MYT1L: variants seen among roughly 807,000 people sequenced by gnomAD.
The protein encoded by MYT1L is myelin transcription factor 1-like protein.
MYT1L carries 12 observed loss-of-function variants against 126.7 expected under a neutral mutation model. That is an observed-to-expected ratio of 0.09 (90% confidence interval 0.06 to 0.15). The LOEUF (loss-of-function observed/expected upper bound fraction) is 0.15, where lower values mean the gene tolerates loss of function less well. MYT1L is among the 10% of genes least tolerant of loss of function. MYT1L has a pLI of 1.00. For missense variants in MYT1L, 979 were observed against 1,585.2 expected, an observed-to-expected ratio of 0.62 and a Z score of 6.49; for synonymous variants, 541 against 604.2, an observed-to-expected ratio of 0.90 and a Z score of 1.53.
rs374654305 is a variant in MYT1L, at chr2:2,289,247, G to A, written c.-520-4744C>T. On this transcript the variant is annotated intron_variant, in intron 1 of 24. Coordinates refer to ENST00000647738, the MANE Select transcript of MYT1L (RefSeq NM_001303052.2). Reference sequence around the variant, plus strand: ...CTCTGTTAATCATACTGCCAGATACGTTGAAGTTTTATTGCATGTTGGCCA... The same window carrying A: ...CTCTGTTAATCATACTGCCAGATACATTGAAGTTTTATTGCATGTTGGCCA... 3.5e-4 allele frequency among the ~76,000 whole-genome samples: 53 copies of A among 152,274 alleles called. No individual in the cohort carries two copies. In the East Asian group the frequency reaches 7.5e-3, roughly 22 times the overall value.
chr2:2,098,729 A>T (rs535773010), intron 3 of MYT1L, among the ~76,000 whole-genome samples: 26 of 152,348 alleles, frequency 1.7e-4, no homozygotes, highest in African/African-American at 5.8e-4. Flanking sequence ...ACAAACATTG[A>T]TGTGACAGAC....
chr2:2,277,857 A>C (rs931213637), intron 2 of MYT1L, among the ~76,000 whole-genome samples: 19 of 152,172 alleles, frequency 1.2e-4, no homozygotes, highest in Admixed American at 1.2e-3. Flanking sequence ...CAATTAACAT[A>C]CCTTAATTTG....
At chr2:2,147,815 G>A (rs938620946) in intron 3 of MYT1L, among the ~76,000 whole-genome samples, 7 of 152,204 alleles carry the variant, frequency 4.6e-5, no homozygotes, top group African/African-American at 1.4e-4. Flanking sequence ...TGGGAGCCCC[G>A]CAGCAGACGG....
intron 4 of MYT1L, among the ~76,000 whole-genome samples, chr2:2,037,945 C>T (rs1003350420): frequency 8.5e-5 from 13 of 152,084 alleles, no homozygotes; most frequent in African/African-American, 1.9e-4. Flanking sequence ...CTCCCAGCAC[C>T]GACTCTGCAC....
chr2:2,152,286 A>T (rs1432072826), intron 3 of MYT1L, among the ~76,000 whole-genome samples: 2 of 152,244 alleles, frequency 1.3e-5, no homozygotes, highest in Non-Finnish European at 2.9e-5. Flanking sequence ...TCTGGTCCAG[A>T]GCAGGATGGA....
intron 3 of MYT1L, among the ~76,000 whole-genome samples, chr2:2,082,488 T>G (rs1263881892): frequency 6.6e-6 from 1 of 152,226 alleles, no homozygotes; most frequent in Non-Finnish European, 1.5e-5. Context: ...AAGCCACACA[T>G]CAGAAGCTCT....
intron 21 of MYT1L, among the ~76,000 whole-genome samples, chr2:1,814,193 G>A (rs1463120367): frequency 3.3e-5 from 5 of 152,116 alleles, no homozygotes; most frequent in African/African-American, 9.6e-5. Context: ...CTTCTCTGCC[G>A]CTAGGTGAAC....
At chr2:2,252,967 T>A (rs56044221) in intron 2 of MYT1L, among the ~76,000 whole-genome samples, 2,429 of 152,136 alleles carry the variant, frequency 0.016, 62 homozygotes, top group African/African-American at 0.056. Context: ...GGAAGTAAAA[T>A]TTTTTTTAAA....
At chr2:2,085,794 G>A (rs1042048888) in intron 3 of MYT1L, among the ~76,000 whole-genome samples, 2 of 152,172 alleles carry the variant, frequency 1.3e-5, no homozygotes, top group African/African-American at 4.8e-5. Flanking sequence ...TCCACATGGG[G>A]TGCTGGAATC....
intron 14 of MYT1L, among the ~76,000 whole-genome samples, chr2:1,902,568 T>C (rs937515650): frequency 7.2e-5 from 11 of 152,038 alleles, no homozygotes; most frequent in Non-Finnish European, 1.6e-4. Context: ...ATTTTATTGG[T>C]CATGAGGGCA....
chr2:1,920,054 T>C (rs2053375157), intron 10 of MYT1L, among the ~76,000 whole-genome samples: 1 of 152,168 alleles, frequency 6.6e-6, no homozygotes, highest in South Asian at 2.1e-4. Flanking sequence ...TACAGACATC[T>C]CGAAGGACAT....
At chr2:2,011,341 T>G (rs976683032) in intron 4 of MYT1L, among the ~76,000 whole-genome samples, 3 of 150,586 alleles carry the variant, frequency 2.0e-5, no homozygotes, top group Non-Finnish European at 4.4e-5. Flanking sequence ...TGCAGTGAGT[T>G]GCAGTGAGCC....
At chr2:2,119,659 C>CTT (rs1474960192) in intron 3 of MYT1L, among the ~76,000 whole-genome samples, 3 of 152,218 alleles carry the variant, frequency 2.0e-5, no homozygotes, top group Non-Finnish European at 4.4e-5. Flanking sequence ...CAGTTCCTTA[C>CTT]TTATTCTTCC....
chr2:1,935,803 GAGTGGACTTTATA>G, intron 9 of MYT1L, among the ~76,000 whole-genome samples: 1 of 152,172 alleles, frequency 6.6e-6, no homozygotes, highest in Admixed American at 6.5e-5. Context: ...TATTTTCTTA[GAGTGGACTTTATA>G]AGCAAATTGA....
At chr2:2,145,169 G>A (rs893664417) in intron 3 of MYT1L, among the ~76,000 whole-genome samples, 1 of 152,216 alleles carries the variant, frequency 6.6e-6, no homozygotes, top group Non-Finnish European at 1.5e-5. Context: ...TGACTTCATG[G>A]AACTGGCATA....
intron 4 of MYT1L, among the ~76,000 whole-genome samples, chr2:2,032,380 T>C (rs2066417337): frequency 1.3e-5 from 1 of 76,640 alleles, no homozygotes; most frequent in African/African-American, 6.4e-5. Context: ...TCTCATCCTG[T>C]GGCCCAGAGC....
At chr2:2,007,157 A>G (rs975781433) in intron 4 of MYT1L, among the ~76,000 whole-genome samples, 1 of 152,084 alleles carries the variant, frequency 6.6e-6, no homozygotes, top group Non-Finnish European at 1.5e-5. Context: ...AGTTGCAGGC[A>G]TCCTTACGAG....
At position 1,801,081 on chromosome 2, in the gene MYT1L, C is replaced by T. The variant is rs993743280; in HGVS notation, c.3276+615G>A. 8.5e-5 allele frequency among the ~76,000 whole-genome samples: 13 copies of T among 152,282 alleles called. No individual in the cohort carries two copies. The Middle Eastern group carries it at 0.01, about 120-fold the overall frequency. ...GGGTCCAGCCTGGCCTCTGTGGCTT[C>T]GGCTTGGCTGAGGAAGCTGCCTCTC... On this transcript the variant is annotated intron_variant, in intron 23 of 24. Coordinates refer to ENST00000647738, the MANE Select transcript of MYT1L (RefSeq NM_001303052.2). The surrounding 1 kb of genome is among the most constrained non-coding windows in gnomAD (Gnocchi z 4.2).
intron 5 of MYT1L, among the ~76,000 whole-genome samples, chr2:1,987,917 C>T (rs1426917923): frequency 6.6e-6 from 1 of 152,212 alleles, no homozygotes; most frequent in Non-Finnish European, 1.5e-5. Flanking sequence ...AATGTACCAA[C>T]TCCCCCTGAA....
Sources: gnomAD v4.1 joint callset for allele counts (sites outside exome capture counted in the v4.1 genomes callset) on GRCh38, gnomAD v4.1.1 for gene constraint, Gnocchi (gnomAD v3.1) non-coding constraint, MANE v1.5 for transcripts, NCBI Gene and HGNC (gene_info 2026-07-23, HGNC 2026-07-21) for gene names.